SPMAP2L: variants seen among roughly 807,000 people sequenced by gnomAD.
The protein encoded by SPMAP2L is sperm microtubule associated protein 2-like.
At chr4:56,532,749 C>T in the SPMAP2L span, among the ~76,000 whole-genome samples, 4 of 152,206 alleles carry the variant, frequency 2.6e-5, no homozygotes, top group Non-Finnish European at 5.9e-5. Flanking sequence ...GCCGCCACTC[C>T]TATCATCATG....
chr4:56,554,179 T>C, the SPMAP2L span, among the ~76,000 whole-genome samples: 4 of 152,346 alleles, frequency 2.6e-5, no homozygotes, highest in South Asian at 4.1e-4. Flanking sequence ...CAGGTTTTTT[T>C]GGTATATTTA....
At chr4:56,544,538 G>A in the SPMAP2L span, among the ~76,000 whole-genome samples, 2 of 152,182 alleles carry the variant, frequency 1.3e-5, no homozygotes, top group Admixed American at 1.3e-4. Context: ...AAAAAAATAG[G>A]GTTCTATTTG....
the SPMAP2L span, among the ~76,000 whole-genome samples, chr4:56,546,891 C>T: frequency 3.3e-5 from 5 of 152,174 alleles, no homozygotes; most frequent in African/African-American, 9.7e-5. Context: ...GACTACTCTC[C>T]CTTTTCCCTT....
chr4:56,533,005 C>T, the SPMAP2L span, among the ~76,000 whole-genome samples: 1 of 152,190 alleles, frequency 6.6e-6, no homozygotes, highest in African/African-American at 2.4e-5. Flanking sequence ...TCCATTGATC[C>T]TATGAACTTT....
the SPMAP2L span, among the ~76,000 whole-genome samples, chr4:56,586,117 G>A: frequency 6.6e-6 from 1 of 152,170 alleles, no homozygotes; most frequent in African/African-American, 2.4e-5. Context: ...AATGCCTTGG[G>A]TGTCTGAAAT....
the SPMAP2L span, among the ~76,000 whole-genome samples, chr4:56,580,458 A>G: frequency 1.3e-5 from 2 of 152,190 alleles, no homozygotes; most frequent in Non-Finnish European, 2.9e-5. Context: ...CAAGCTAGGC[A>G]TGGAAGGAAA....
chr4:56,611,254 C>T, the SPMAP2L span, among the ~76,000 whole-genome samples: 1 of 152,182 alleles, frequency 6.6e-6, no homozygotes, highest in Admixed American at 6.5e-5. Flanking sequence ...TGGATTAATA[C>T]TCAGCCATAA....
chr4:56,552,861 T>C, the SPMAP2L span, among the ~76,000 whole-genome samples: 1 of 152,176 alleles, frequency 6.6e-6, no homozygotes, highest in Non-Finnish European at 1.5e-5. Context: ...TTAGTTGATA[T>C]GGGGTGTGCC....
the SPMAP2L span, among the ~76,000 whole-genome samples, chr4:56,583,739 T>A: frequency 6.6e-6 from 1 of 152,144 alleles, no homozygotes; most frequent in Non-Finnish European, 1.5e-5. Flanking sequence ...GGAATTTTTA[T>A]TTCAGAGATT....
chr4:56,530,817 G>A, the SPMAP2L span: 1 of 1,535,260 alleles, frequency 6.5e-7, no homozygotes, highest in Non-Finnish European at 8.7e-7. Context: ...GAGAGCTTGA[G>A]GAGTCCGAGG....
At chr4:56,594,215 C>T in the SPMAP2L span, 3 of 1,611,122 alleles carry the variant, frequency 1.9e-6, no homozygotes. Context: ...CAGCCCGTTC[C>T]TCACCCATCA....
At chr4:56,533,818 G>A in the SPMAP2L span, among the ~76,000 whole-genome samples, 2 of 151,876 alleles carry the variant, frequency 1.3e-5, no homozygotes, top group African/African-American at 4.8e-5. Flanking sequence ...CACGCATGGT[G>A]GCACATACCT....
chr4:56,554,282 A>G, the SPMAP2L span, among the ~76,000 whole-genome samples: 3 of 152,280 alleles, frequency 2.0e-5, no homozygotes, highest in South Asian at 6.2e-4. Context: ...AGATGACTGT[A>G]CCATTTTGCA....
the SPMAP2L span, chr4:56,594,794 G>A: frequency 2.5e-5 from 38 of 1,526,168 alleles, no homozygotes; most frequent in East Asian, 7.0e-4. Flanking sequence ...CATCAGTGAC[G>A]TGTGTGACCT....
At chr4:56,563,930 T>C in the SPMAP2L span, among the ~76,000 whole-genome samples, 1 of 152,210 alleles carries the variant, frequency 6.6e-6, no homozygotes, top group African/African-American at 2.4e-5. Context: ...ACAGACTTGG[T>C]ATTTATTGGT....
Sources: allele counts gnomAD v4.1 joint callset (sites outside exome capture counted in the v4.1 genomes callset), GRCh38; gene constraint gnomAD v4.1.1; transcripts MANE v1.5; gene names NCBI Gene and HGNC (gene_info 2026-07-23, HGNC 2026-07-21).